CLEC4C: variants seen among roughly 807,000 people sequenced by gnomAD.
The protein encoded by CLEC4C is C-type lectin domain family 4 member C, also known as C-type (calcium dependent, carbohydrate-recognition domain) lectin, superfamily member 11.
A neutral mutation model predicts 27.7 loss-of-function variants in CLEC4C; 17 were observed. The observed-to-expected ratio is 0.61, with a 90% CI of 0.42 to 0.92. The LOEUF (loss-of-function observed/expected upper bound fraction) is 0.92. Ranked by LOEUF, CLEC4C falls within the 40% of genes least tolerant of loss-of-function variation. CLEC4C has a pLI of 0.00. For missense variants in CLEC4C, 244 were observed against 257.3 expected (o/e 0.95, Z 0.35); for synonymous variants, 80 against 80.8 (o/e 0.99, Z 0.06).
intron 4 of CLEC4C, among the ~76,000 whole-genome samples, chr12:7,736,140 G>A (rs1271003042): frequency 6.6e-6 from 1 of 151,986 alleles, no homozygotes; most frequent in Non-Finnish European, 1.5e-5. Context: ...AAAATTAGCT[G>A]GGTGTGGTGG....
chr12:7,735,445 G>GT (rs780524689), intron 4 of CLEC4C, among the ~76,000 whole-genome samples: 26 of 144,838 alleles, frequency 1.8e-4, no homozygotes, highest in African/African-American at 6.5e-4. Context: ...AGAGGTTGCA[G>GT]TAAGCAGAGA....
intron 3 of CLEC4C, among the ~76,000 whole-genome samples, chr12:7,739,071 T>C (rs972733697): frequency 6.6e-6 from 1 of 151,390 alleles, no homozygotes; most frequent in Non-Finnish European, 1.5e-5. Context: ...CTTGTCATCT[T>C]TTTACCTCTC....
At chr12:7,730,986 T>G (rs1404361594) in intron 4 of CLEC4C, 74 bp from the exon 5 acceptor site, 6 of 724,628 alleles carry the variant, frequency 8.3e-6, no homozygotes, top group Non-Finnish European at 1.5e-5. Flanking sequence ...ACCGCCACTT[T>G]AAGTTCCAGC....
chr12:7,735,163 T>G (rs1161872567), intron 4 of CLEC4C, among the ~76,000 whole-genome samples: 1 of 151,646 alleles, frequency 6.6e-6, no homozygotes, highest in Admixed American at 6.6e-5. Context: ...ATCACACCAC[T>G]GCACTCCAGC....
intron 3 of CLEC4C, among the ~76,000 whole-genome samples, 184 bp from the exon 4 acceptor site, chr12:7,737,758 C>G (rs1387304189): frequency 2.6e-5 from 4 of 152,122 alleles, no homozygotes; most frequent in Admixed American, 2.0e-4. Context: ...ATACAGGGAC[C>G]AGCAAACTTC....
chr12:7,744,035 C>T (rs1864919644), intron 2 of CLEC4C, among the ~76,000 whole-genome samples: 2 of 152,072 alleles, frequency 1.3e-5, no homozygotes, highest in African/African-American at 4.8e-5. Context: ...CTGATCTCAC[C>T]CCAACTCAGA....
At chr12:7,736,809 A>T (rs7303396) in intron 4 of CLEC4C, among the ~76,000 whole-genome samples, 1 of 151,690 alleles carries the variant, frequency 6.6e-6, no homozygotes, top group African/African-American at 2.4e-5. Context: ...CTTGGGAGGC[A>T]GGAGAATGGT....
At chr12:7,746,662 T>C (rs1864989647) in intron 1 of CLEC4C, among the ~76,000 whole-genome samples, 1 of 152,126 alleles carries the variant, frequency 6.6e-6, no homozygotes, top group Non-Finnish European at 1.5e-5. Flanking sequence ...ACTTTCCAAT[T>C]CCTTACTCTC....
At chr12:7,743,866 A>G (rs1396452796) in intron 2 of CLEC4C, among the ~76,000 whole-genome samples, 4 of 152,210 alleles carry the variant, frequency 2.6e-5, no homozygotes. Context: ...AAGACATTTT[A>G]CTGGCTCACA....
intron 4 of CLEC4C, among the ~76,000 whole-genome samples, chr12:7,733,035 A>C (rs1864637265): frequency 6.6e-6 from 1 of 152,006 alleles, no homozygotes; most frequent in South Asian, 2.1e-4. Flanking sequence ...TTATGCCATG[A>C]GTTTGCATAA....
rs746179830 is a variant in CLEC4C, at chr12:7,733,553, C to T, written c.382-2641G>A. Among the ~76,000 whole-genome samples the T allele has an allele frequency of 3.8e-4, 56 of 146,856 alleles. 1 individual carries two copies. Among genetic ancestry groups the T allele is most frequent in the African/African-American group, 1.2e-3 (48 of 39,714 alleles). On this transcript the variant is annotated intron_variant, in intron 4 of 5. Coordinates refer to ENST00000360345, the MANE Select transcript of CLEC4C (RefSeq NM_001371390.1). ...CTAGAGTGCAGTGGCGAGATCTTGG[C>T]TCACTGCAAGCTCCGCCTCCTGGGT...
intron 2 of CLEC4C, among the ~76,000 whole-genome samples, chr12:7,743,299 C>A (rs1311379105): frequency 6.6e-6 from 1 of 152,040 alleles, no homozygotes; most frequent in East Asian, 1.9e-4. Flanking sequence ...ATTTAGACAT[C>A]TTTTGCTAAA....
chr12:7,737,457 A>C lies in CLEC4C; in HGVS notation c.353T>G (p.Leu118Arg), dbSNP rs764823955. ...QKNCSVMGAD[L>R]VVINTREEQD... ...TTCTTCCCTGGTGTTGATCACCACCAGATCAGCCCCCATCACAGAACAGTT... is the reference window on the plus strand; with the variant it reads ...TTCTTCCCTGGTGTTGATCACCACCCGATCAGCCCCCATCACAGAACAGTT... The change falls in exon 4 of 6, where the codon CTG becomes CGG. Residue 118 changes from leucine to arginine, a missense_variant. By Grantham distance (102) the Leu-to-Arg change is moderately radical (BLOSUM62 -2). Transcript: ENST00000360345. 1 of 1,613,824 alleles carries C rather than the reference A, an allele frequency of 6.2e-7. No individual in the cohort carries two copies. The highest frequency in any genetic ancestry group is 1.1e-5 in the South Asian group (1 of 91,028).
chr12:7,740,439 C>A (rs1864826956), intron 3 of CLEC4C, among the ~76,000 whole-genome samples: 1 of 151,994 alleles, frequency 6.6e-6, no homozygotes, highest in Admixed American at 6.6e-5. Flanking sequence ...GTGGCTCACG[C>A]CTGTAATCCC....
intron 5 of CLEC4C, among the ~76,000 whole-genome samples, chr12:7,730,397 T>C (rs1864568883): frequency 6.6e-6 from 1 of 152,188 alleles, no homozygotes; most frequent in Non-Finnish European, 1.5e-5. Context: ...TCTCAGCACT[T>C]TGGGAGGCCA....
rs1270092792 is a variant in CLEC4C, at chr12:7,741,466, A to G, written c.190T>C (p.Tyr64His). The G allele has an allele frequency of 1.2e-6, 2 of 1,612,702 alleles. No individual in the cohort carries two copies. The highest frequency in any genetic ancestry group is 2.7e-5 in the African/African-American group (2 of 74,910). ...ATGACGCAGGTCAGGCTTGGATGAT[A>G]CTGTTGATACTCTCGTAACTTGGAC... ...RLSKLREYQQYHPSLTCVMEG... is the reference protein window; with the variant it reads ...RLSKLREYQQHHPSLTCVMEG... Residue 64 changes from tyrosine (Y) to histidine (H), a missense_variant, in exon 3 of 6, where the codon TAT becomes CAT. Physicochemically the swap from Tyr to His is moderately conservative, Grantham distance 83. Coordinates refer to ENST00000360345, the MANE Select transcript of CLEC4C (RefSeq NM_001371390.1).
At chr12:7,740,414 T>G (rs942876252) in intron 3 of CLEC4C, among the ~76,000 whole-genome samples, 9 of 151,924 alleles carry the variant, frequency 5.9e-5, no homozygotes, top group Non-Finnish European at 1.0e-4. Flanking sequence ...AAAGAAAAAC[T>G]GCTGGCCAGG....
intron 3 of CLEC4C, among the ~76,000 whole-genome samples, chr12:7,739,916 C>A (rs1864815755): frequency 6.6e-6 from 1 of 150,974 alleles, no homozygotes; most frequent in Non-Finnish European, 1.5e-5. Context: ...CTCACCACAA[C>A]CTCCACCTCC....
chr12:7,730,385 A>G (rs936009935), intron 5 of CLEC4C, among the ~76,000 whole-genome samples: 1 of 152,220 alleles, frequency 6.6e-6, no homozygotes, highest in Non-Finnish European at 1.5e-5. Flanking sequence ...TCACACCTGT[A>G]ATCTCAGCAC....
Sources: allele counts gnomAD v4.1 joint callset (sites outside exome capture counted in the v4.1 genomes callset), GRCh38; gene constraint gnomAD v4.1.1; transcripts MANE v1.5; gene names NCBI Gene and HGNC (gene_info 2026-07-23, HGNC 2026-07-21).